DPM1: variants seen among roughly 807,000 people sequenced by gnomAD.
DPM1 encodes the protein dolichol-phosphate mannosyltransferase subunit 1.
In DPM1, 27 loss-of-function variants were observed where a neutral mutation model predicts 39.0. The observed-to-expected ratio is 0.69, with a 90% CI of 0.51 to 0.95. The LOEUF (loss-of-function observed/expected upper bound fraction) is 0.95, where lower values mean the gene tolerates loss of function less well. DPM1 is among the 40% of genes least tolerant of loss of function. DPM1 has a pLI of 0.00. For synonymous variants in DPM1, 124 were observed against 109.0 expected, an observed-to-expected ratio of 1.14 and a Z score of -0.86; for missense variants, 307 against 315.6, an observed-to-expected ratio of 0.97 and a Z score of 0.21.
At chr20:50,940,671 C>T (rs1211809222) in intron 7 of DPM1, among the ~76,000 whole-genome samples, 194 bp downstream of exon 7, 2 of 152,170 alleles carry the variant, frequency 1.3e-5, no homozygotes, top group Non-Finnish European at 2.9e-5. Flanking sequence ...CTGCCTTCAG[C>T]TTTTTAAAGG....
intron 3 of DPM1, among the ~76,000 whole-genome samples, 198 bp from the exon 4 acceptor site, chr20:50,946,121 AC>A (rs1986268755): frequency 6.6e-6 from 1 of 152,164 alleles, no homozygotes; most frequent in Non-Finnish European, 1.5e-5. Flanking sequence ...CTGGCCACAC[AC>A]CCCCATTCAG....
At chr20:50,938,570 C>CG (rs1178351783) in intron 7 of DPM1, among the ~76,000 whole-genome samples, 2 of 151,140 alleles carry the variant, frequency 1.3e-5, no homozygotes, top group African/African-American at 2.4e-5. Flanking sequence ...TTTTAGTAGA[C>CG]GGGGTATCAC....
chr20:50,936,411 G>A (rs936073256), intron 7 of DPM1, 149 bp from the exon 8 acceptor site: 3 of 592,444 alleles, frequency 5.1e-6, no homozygotes, highest in Non-Finnish European at 9.0e-6. Context: ...TGATGATTAT[G>A]ATACATTTGT....
intron 1 of DPM1, among the ~76,000 whole-genome samples, chr20:50,957,737 C>T (rs1189907678): frequency 6.6e-6 from 1 of 152,224 alleles, no homozygotes; most frequent in African/African-American, 2.4e-5. Flanking sequence ...AATCGTAAAA[C>T]AAGTTACTTC....
In DPM1 at chr20:50,955,217, T is replaced by A; in HGVS notation, c.230A>T (p.Gln77Leu). 6.2e-7 allele frequency: 1 copy of A among 1,613,180 alleles called. No individual in the cohort carries two copies. Among genetic ancestry groups the A allele is most frequent in the Non-Finnish European group, 8.5e-7 (1 of 1,179,730 alleles). ...SPDGTRDVAEQLEKIYGSDRI... is the reference protein window; with the variant it reads ...SPDGTRDVAELLEKIYGSDRI... Reference sequence around the variant, plus strand: ...GTCTGACCCATAGATCTTCTCCAACTGTTCAGCAACATCCCTTGTTCCATC... The same window carrying A: ...GTCTGACCCATAGATCTTCTCCAACAGTTCAGCAACATCCCTTGTTCCATC... Residue 77 changes from glutamine (Q) to leucine (L), a missense_variant, in exon 2 of 9, where the codon CAG (glutamine) becomes CTG (leucine). Around this residue, in one of 3 missense-constraint regions of DPM1, gnomAD observed 206 missense variants for 188.2 expected, o/e 1.09. Transcript: ENST00000371588.
intron 2 of DPM1, among the ~76,000 whole-genome samples, chr20:50,951,538 C>T (rs1030337159): frequency 3.9e-5 from 6 of 152,168 alleles, no homozygotes; most frequent in African/African-American, 1.2e-4. Context: ...CCTGTAATCC[C>T]AGCACTTTGC....
rs747972169 is a variant in DPM1, at chr20:50,958,461, A to G, written c.63T>C (p.Ser21=). 1.2e-6 allele frequency: 2 copies of G among 1,613,666 alleles called. No individual in the cohort carries two copies. The highest frequency in any genetic ancestry group is 2.7e-5 in the African/African-American group (2 of 74,798). ...GCACCGAATATTTGTTCTGTCGTGG[A>G]CTGCGCACTTCCAGCTCCCGCCGAG... is the stretch of plus-strand genomic sequence containing the variant. ...RRSRRELEVR[S]PRQNKYSVLL... Residue 21 remains serine, a synonymous_variant, in exon 1 of 9, where the codon AGT becomes AGC. Transcript: ENST00000371588.
intron 5 of DPM1, among the ~76,000 whole-genome samples, chr20:50,943,929 A>G (rs1195729799): frequency 6.6e-6 from 1 of 151,500 alleles, no homozygotes; most frequent in Non-Finnish European, 1.5e-5. Context: ...TTTAGTAGAG[A>G]CAGGGTTTCA....
intron 3 of DPM1, among the ~76,000 whole-genome samples, chr20:50,947,773 T>G (rs1200881089): frequency 6.6e-6 from 1 of 152,106 alleles, no homozygotes; most frequent in Non-Finnish European, 1.5e-5. Context: ...GGATTATAGA[T>G]GCGCGTCACG....
chr20:50,950,290 C>A (rs970030763), intron 2 of DPM1, among the ~76,000 whole-genome samples: 1 of 152,186 alleles, frequency 6.6e-6, no homozygotes, highest in Non-Finnish European at 1.5e-5. Context: ...CAATTTGTAT[C>A]TATAGCAAAG....
At chr20:50,944,664 G>A (rs1171263632) in intron 5 of DPM1, 2 of 152,188 alleles carry the variant, frequency 1.3e-5, no homozygotes, top group Non-Finnish European at 2.9e-5. Context: ...CTGAACTGGA[G>A]GGACAATAAT....
intron 6 of DPM1, 58 bp downstream of exon 6, chr20:50,941,973 G>A: frequency 1.4e-6 from 2 of 1,416,906 alleles, no homozygotes; most frequent in East Asian, 2.3e-5. Context: ...CCAAATACTT[G>A]CTATGAATAC....
chr20:50,934,860 G>A (rs1337950920), downstream of DPM1: 2 of 248,988 alleles, frequency 8.0e-6, no homozygotes, highest in Non-Finnish European at 7.7e-6. Context: ...TCTAATGAAG[G>A]CAGCAATACT....
At chr20:50,955,053 A>C in intron 2 of DPM1, 133 bp downstream of exon 2, 1 of 760,128 alleles carries the variant, frequency 1.3e-6, no homozygotes, top group South Asian at 1.6e-5. Context: ...ATGCATTTAA[A>C]TCCCAAATGC....
intron 7 of DPM1, among the ~76,000 whole-genome samples, chr20:50,939,760 T>C (rs2123079689): frequency 6.6e-6 from 1 of 152,188 alleles, no homozygotes. Context: ...ATTACAAGCG[T>C]ACGCCACCAT....
At chr20:50,941,973 G>T in intron 6 of DPM1, 58 bp downstream of exon 6, 1 of 1,416,906 alleles carries the variant, frequency 7.1e-7, no homozygotes, top group Non-Finnish European at 1.0e-6. Context: ...CCAAATACTT[G>T]CTATGAATAC....
chr20:50,946,213 T>C (rs1341682769), intron 3 of DPM1, among the ~76,000 whole-genome samples: 3 of 152,264 alleles, frequency 2.0e-5, no homozygotes, highest in Non-Finnish European at 2.9e-5. Flanking sequence ...TCTAAGATTA[T>C]GTAGCACAAT....
intron 2 of DPM1, 79 bp from the exon 3 acceptor site, chr20:50,948,741 A>G (rs1986422200): frequency 7.2e-6 from 9 of 1,250,486 alleles, no homozygotes; most frequent in South Asian, 1.2e-5. Flanking sequence ...TCAAAAGTGC[A>G]TACTCACTTT....
intron 3 of DPM1, among the ~76,000 whole-genome samples, chr20:50,946,211 T>C (rs1986274143): frequency 6.6e-6 from 1 of 152,230 alleles, no homozygotes; most frequent in Non-Finnish European, 1.5e-5. Flanking sequence ...AGTCTAAGAT[T>C]ATGTAGCACA....
Sources: gnomAD v4.1 joint callset for allele counts (sites outside exome capture counted in the v4.1 genomes callset) on GRCh38, gnomAD v4.1.1 for gene constraint, gnomAD v4.1.1 regional missense constraint, MANE v1.5 for transcripts, NCBI Gene and HGNC (gene_info 2026-07-23, HGNC 2026-07-21) for gene names.